RUVBL1: variants seen among roughly 807,000 people sequenced by gnomAD.
RUVBL1 encodes ruvB-like 1.
Under a neutral mutation model 52.4 loss-of-function variants are expected in RUVBL1, and 4 were observed. That is an observed-to-expected ratio of 0.08 (90% CI 0.04 to 0.17). The LOEUF (loss-of-function observed/expected upper bound fraction) is 0.17. Ranked by LOEUF, RUVBL1 falls within the 10% of genes least tolerant of loss-of-function variation. The probability of loss-of-function intolerance (pLI) is 1.00; values close to 1 mark genes in which losing one functional copy is unlikely to be tolerated. For synonymous variants in RUVBL1, 217 were observed against 214.4 expected (o/e 1.01, Z -0.10); for missense variants, 298 against 572.8 (o/e 0.52, Z 4.90).
chr3:128,120,922 A>G (rs1261120976), intron 1 of RUVBL1, among the ~76,000 whole-genome samples: 1 of 151,210 alleles, frequency 6.6e-6, no homozygotes, highest in South Asian at 2.1e-4. Context: ...CGGAGCTTGC[A>G]GTGAACCGAG....
At chr3:128,079,552 C>A (rs978640770), downstream of RUVBL1, among the ~76,000 whole-genome samples, 1 of 152,142 alleles carries the variant, frequency 6.6e-6, no homozygotes, top group Non-Finnish European at 1.5e-5. Flanking sequence ...TAACATGGCT[C>A]GAGTGGGGAG....
At chr3:128,084,360 C>T (rs903330772) in intron 9 of RUVBL1, 1 of 152,192 alleles carries the variant, frequency 6.6e-6, no homozygotes, top group Non-Finnish European at 1.5e-5. Context: ...CAACAGAACT[C>T]CCCCCTGAAC....
intron 3 of RUVBL1, among the ~76,000 whole-genome samples, chr3:128,110,206 A>T (rs1039130959): frequency 2.6e-5 from 4 of 152,174 alleles, no homozygotes; most frequent in Admixed American, 2.6e-4. Context: ...GGATCTCTTG[A>T]GCCCAAGGAG....
intron 1 of RUVBL1, 40 bp downstream of exon 1, chr3:128,123,544 C>CGTG (rs1249029556): frequency 6.5e-7 from 1 of 1,529,476 alleles, no homozygotes; most frequent in Non-Finnish European, 8.9e-7. Flanking sequence ...CCGCAGCAGC[C>CGTG]CTGCTTGCAG....
At chr3:128,144,786 C>T (rs1944078330) in intron 1 of RUVBL1, among the ~76,000 whole-genome samples, 1 of 152,200 alleles carries the variant, frequency 6.6e-6, no homozygotes, top group African/African-American at 2.4e-5. Flanking sequence ...GTGAAGCAAC[C>T]TGCATTTTGC....
intron 9 of RUVBL1, chr3:128,066,628 T>G (rs1941989036): frequency 3.0e-6 from 1 of 336,540 alleles, no homozygotes; most frequent in African/African-American, 2.1e-5. Context: ...CTGACTGTGT[T>G]GCCCAGGCTG....
In RUVBL1 at chr3:128,135,078, A is replaced by T. The variant is rs145025730; in HGVS notation, c.-39-15664T>A. Among the ~76,000 whole-genome samples, 1,027 of 152,336 alleles carry T rather than the reference A, an allele frequency of 6.7e-3. 9 individuals carry two copies. The highest frequency in any genetic ancestry group is 0.023 in the African/African-American group (965 of 41,580). ...AACCCAAATAAGACTATATCTAGAC[A>T]TTTAATAATCAAACTTCCAAAGGTC... On this transcript the variant is annotated intron_variant, in intron 1 of 9. Coordinates refer to the RUVBL1 transcript ENST00000464873.
At chr3:128,099,944 T>G (rs571952957) in intron 6 of RUVBL1, among the ~76,000 whole-genome samples, 251 of 152,248 alleles carry the variant, frequency 1.6e-3, no homozygotes, top group African/African-American at 5.4e-3. Flanking sequence ...GGATGGCCAT[T>G]TCACCAACCA....
In RUVBL1 at chr3:128,099,715, G is replaced by A. The variant is rs188029784; in HGVS notation, c.754-770C>T. ...TGAGACACAGAAGGGCTCACTAAATGCTGAATAGCTAAAGGCAGCAAATGT... is the reference window on the plus strand; with the variant it reads ...TGAGACACAGAAGGGCTCACTAAATACTGAATAGCTAAAGGCAGCAAATGT... On this transcript the variant is annotated intron_variant, in intron 6 of 10. Transcript: ENST00000322623. 3.3e-3 allele frequency among the ~76,000 whole-genome samples: 500 copies of A among 152,344 alleles called. 2 individuals are homozygous for A. The highest frequency in any genetic ancestry group is 3.5e-3 in the Non-Finnish European group (236 of 68,020).
Position 128,147,764 on chromosome 3 carries a change from G to C in RUVBL1, c.-40+5439C>G, listed in dbSNP as rs997455588. Reference sequence around the variant, plus strand: ...AATCTCACTTTTGGTATTTACCTGAGTGAAACTTATGTTGGCATAAAACCT... The same window carrying C: ...AATCTCACTTTTGGTATTTACCTGACTGAAACTTATGTTGGCATAAAACCT... On this transcript the variant is annotated intron_variant, in intron 1 of 9. Coordinates refer to the RUVBL1 transcript ENST00000464873. 2.6e-5 allele frequency among the ~76,000 whole-genome samples: 4 copies of C among 152,294 alleles called. No homozygotes were observed. In the East Asian group the frequency reaches 5.8e-4, roughly 22 times the overall value.
At chr3:128,095,437 T>C (rs1942946798) in intron 8 of RUVBL1, among the ~76,000 whole-genome samples, 2 of 152,352 alleles carry the variant, frequency 1.3e-5, no homozygotes, top group South Asian at 4.1e-4. Flanking sequence ...ATACCAGCCA[T>C]AAGGCCCACA....
intron 1 of RUVBL1, among the ~76,000 whole-genome samples, chr3:128,134,177 A>G (rs1943917687): frequency 1.3e-5 from 2 of 152,086 alleles, no homozygotes; most frequent in South Asian, 4.1e-4. Flanking sequence ...AAGACAAGCT[A>G]TTTGGCCAGG....
At chr3:128,134,924 C>T (rs1255855194) in intron 1 of RUVBL1, among the ~76,000 whole-genome samples, 1 of 151,786 alleles carries the variant, frequency 6.6e-6, no homozygotes, top group Non-Finnish European at 1.5e-5. Flanking sequence ...GAGTTATTGG[C>T]CTTAAAAGAA....
chr3:128,151,699 A>C (rs528494825), intron 1 of RUVBL1, among the ~76,000 whole-genome samples: 1 of 152,166 alleles, frequency 6.6e-6, no homozygotes, highest in African/African-American at 2.4e-5. Flanking sequence ...CTAACCTCCC[A>C]AACGTCCCAT....
At chr3:128,107,683 G>C (rs758224315) in intron 3 of RUVBL1, among the ~76,000 whole-genome samples, 7 of 152,166 alleles carry the variant, frequency 4.6e-5, no homozygotes, top group Non-Finnish European at 1.0e-4. Flanking sequence ...CCAAAAGAGA[G>C]GACCCATTTC....
chr3:128,117,381 CAGG>C (rs1943550896), intron 2 of RUVBL1, among the ~76,000 whole-genome samples: 1 of 152,196 alleles, frequency 6.6e-6, no homozygotes, highest in African/African-American at 2.4e-5. Flanking sequence ...CTGTGCACTA[CAGG>C]ATGTTTAGTA....
chr3:128,119,289 TCTC>T, intron 2 of RUVBL1, 36 bp downstream of exon 2: 1 of 1,529,930 alleles, frequency 6.5e-7, no homozygotes, highest in Non-Finnish European at 9.0e-7. Context: ...CTAGGATCAT[TCTC>T]CTGGGTAGAT....
At chr3:128,115,455 A>C (rs1943501126) in intron 2 of RUVBL1, among the ~76,000 whole-genome samples, 1 of 152,220 alleles carries the variant, frequency 6.6e-6, no homozygotes, top group Non-Finnish European at 1.5e-5. Flanking sequence ...TGCATCTCTA[A>C]AATAAGCAGT....
intron 8 of RUVBL1, among the ~76,000 whole-genome samples, chr3:128,088,423 C>T (rs11706262): frequency 0.23 from 34,107 of 147,832 alleles, 3,985 homozygotes; most frequent in South Asian, 0.27. Flanking sequence ...GTATAATATA[C>T]AGTATATACT....
Sources: allele counts gnomAD v4.1 joint callset (sites outside exome capture counted in the v4.1 genomes callset), GRCh38; gene constraint gnomAD v4.1.1; transcripts MANE v1.5; gene names NCBI Gene and HGNC (gene_info 2026-07-23, HGNC 2026-07-21).